GSE1: variants seen among roughly 807,000 people sequenced by gnomAD.
GSE1 encodes genetic suppressor element 1.
A neutral mutation model predicts 112.6 loss-of-function variants in GSE1; 32 were observed. The ratio of observed to expected loss-of-function variants is 0.28; its 90% CI spans 0.21 to 0.38. GSE1 has a LOEUF of 0.38. Ranked by LOEUF, GSE1 falls within the 10% of genes least tolerant of loss-of-function variation. The pLI is 1.00. For missense variants in GSE1, 2,348 were observed against 1,699.2 expected (o/e 1.38, Z -6.71); for synonymous variants, 1,115 against 735.6 (o/e 1.52, Z -8.35).
At chr16:85,442,305 GC>G (rs2049394595) in intron 2 of GSE1, among the ~76,000 whole-genome samples, 1 of 152,128 alleles carries the variant, frequency 6.6e-6, no homozygotes, top group Admixed American at 6.5e-5. Context: ...TTCCTTGTTT[GC>G]GTGCTTGTTT....
upstream of GSE1, among the ~76,000 whole-genome samples, chr16:85,607,589 C>T (rs2047765730): frequency 6.6e-6 from 1 of 152,214 alleles, no homozygotes; most frequent in South Asian, 2.1e-4. Flanking sequence ...TTAGCCGGGC[C>T]TTAACCCTTT....
rs7202569 is a variant in GSE1 at position 85,311,936 on chromosome 16, C to T, written c.2284-45527C>T. The stretch of plus-strand genomic sequence containing the variant: ...GGTTCCCTCCGCCGGCCCAGCACTG[C>T]CCAGCCCCAGCCCCGCACCACTGTC... On this transcript the variant is annotated intron_variant, in intron 1 of 2. Coordinates refer to the GSE1 transcript ENST00000637419. The surrounding 1 kb of genome is among the most constrained non-coding windows in gnomAD (Gnocchi z 4.2). Among the ~76,000 whole-genome samples the T allele has an allele frequency of 0.04, 6,040 of 152,240 alleles. 402 individuals are homozygous for T. Among genetic ancestry groups the T allele is most frequent in the African/African-American group, 0.13 (5,586 of 41,530 alleles).
intron 1 of GSE1, among the ~76,000 whole-genome samples, chr16:85,569,158 C>T (rs1454620879): frequency 6.6e-6 from 1 of 152,218 alleles, no homozygotes; most frequent in African/African-American, 2.4e-5. Context: ...CCCTGCCTAA[C>T]ACTCTAGCCT....
intron 8 of GSE1, 128 bp downstream of exon 8, chr16:85,657,732 C>G (rs570306962): frequency 3.2e-6 from 2 of 628,534 alleles, no homozygotes; most frequent in African/African-American, 1.9e-5. Flanking sequence ...CATTTCTGTT[C>G]TTTCATCTTC....
intron 1 of GSE1, among the ~76,000 whole-genome samples, chr16:85,622,202 G>A (rs575222997): frequency 2.6e-5 from 4 of 152,202 alleles, no homozygotes; most frequent in African/African-American, 7.2e-5. Flanking sequence ...GCGCATGACT[G>A]TTATGGGAGC....
rs545672261 is a variant in GSE1, at chr16:85,339,363, C to T, written c.2284-18100C>T. ...GACCCAGGGCTGTGCTCGCTCCAGC[C>T]GTGATTTCTCCGGACAAATGGCCGC... On this transcript the variant is annotated intron_variant, in intron 1 of 2. Transcript: ENST00000637419. 1.8e-4 allele frequency among the ~76,000 whole-genome samples: 27 copies of T among 152,188 alleles called. 1 individual carries two copies. The South Asian group carries it at 4.1e-3, about 23-fold the overall frequency.
rs558086603 is a variant in GSE1 at position 85,465,281 on chromosome 16, A to G, written c.2464+107638A>G. Among the ~76,000 whole-genome samples the G allele has an allele frequency of 2.6e-5, 4 of 152,164 alleles. No homozygotes were observed. The East Asian group carries it at 7.8e-4, about 30-fold the overall frequency. ...CCAGCTCTCCTGCCAACCGAATCTC[A>G]TGCTGCTTCTGTGCCACGCCCTGGC... On this transcript the variant is annotated intron_variant, in intron 2 of 2. Coordinates refer to the GSE1 transcript ENST00000637419.
chr16:85,543,727 TAGG>T (rs897086748), intron 2 of GSE1, among the ~76,000 whole-genome samples: 18 of 152,184 alleles, frequency 1.2e-4, no homozygotes, highest in Admixed American at 4.6e-4. Flanking sequence ...CCAGCCATAG[TAGG>T]AGGTCTAAAA....
At chr16:85,257,551 A>G (rs899712980) in intron 1 of GSE1, among the ~76,000 whole-genome samples, 3 of 152,276 alleles carry the variant, frequency 2.0e-5, no homozygotes, top group South Asian at 2.1e-4. Flanking sequence ...AAAGATAATG[A>G]AAAATGAAAT....
At chr16:85,209,731 G>A (rs1235950781) in intron 1 of GSE1, among the ~76,000 whole-genome samples, 1 of 152,244 alleles carries the variant, frequency 6.6e-6, no homozygotes, top group Non-Finnish European at 1.5e-5. Context: ...GGGAGGGAGA[G>A]TCTGGCAGGC....
intron 1 of GSE1, among the ~76,000 whole-genome samples, chr16:85,221,247 TGTGC>T (rs1042636558): frequency 3.3e-5 from 5 of 151,982 alleles, no homozygotes; most frequent in African/African-American, 1.2e-4. Flanking sequence ...GGAGCCCCAC[TGTGC>T]GGCTGGTTTG....
chr16:85,317,688 C>T (rs1034422849), intron 1 of GSE1, among the ~76,000 whole-genome samples: 2 of 152,318 alleles, frequency 1.3e-5, no homozygotes, highest in Non-Finnish European at 1.5e-5. Context: ...CAAGATTGAG[C>T]CCCGGTGCCC....
rs750386270 is a variant in GSE1, at chr16:85,648,744, G to C, written c.419G>C (p.Ser140Thr). 1 of 1,581,704 alleles carries C rather than the reference G, an allele frequency of 6.3e-7. No homozygotes were observed. Among genetic ancestry groups the C allele is most frequent in the Non-Finnish European group, 8.6e-7 (1 of 1,164,722 alleles). The change falls in exon 3 of 16, where the codon AGC becomes ACC. Residue 140 changes from serine to threonine, a missense_variant. Ser to Thr is a moderately conservative substitution (Grantham distance 58). Transcript: ENST00000253458. ...KTVNGVWRSE[S>T]RQDAGSRSSS... The stretch of plus-strand genomic sequence containing the variant: ...GTGAATGGTGTCTGGAGGAGTGAGA[G>C]CCGGCAGGTGAGTGGGGCGGGGCAG...
At chr16:85,304,067 C>T (rs747036700) in intron 1 of GSE1, among the ~76,000 whole-genome samples, 12 of 152,326 alleles carry the variant, frequency 7.9e-5, no homozygotes, top group Non-Finnish European at 1.3e-4. Flanking sequence ...AGGACAGAGC[C>T]CCTTGGCCTC....
chr16:85,563,820 T>G (rs146329196), intron 1 of GSE1, among the ~76,000 whole-genome samples: 2,148 of 152,340 alleles, frequency 0.014, 25 homozygotes, highest in Non-Finnish European at 0.019. Flanking sequence ...TTTGGGGGTC[T>G]CGTGGTCACC....
chr16:85,315,612 G>A (rs760390629), intron 1 of GSE1, among the ~76,000 whole-genome samples: 1 of 152,280 alleles, frequency 6.6e-6, no homozygotes, highest in African/African-American at 2.4e-5. Context: ...TGGGGGAGCC[G>A]CCTGCCTGGT....
intron 1 of GSE1, among the ~76,000 whole-genome samples, chr16:85,338,230 A>T (rs959864318): frequency 3.3e-5 from 5 of 152,170 alleles, no homozygotes; most frequent in Admixed American, 1.3e-4. Flanking sequence ...CTTCCCCCTC[A>T]GCATCTCCAG....
At chr16:85,614,789 G>C (rs2048265490) in intron 1 of GSE1, among the ~76,000 whole-genome samples, 1 of 152,242 alleles carries the variant, frequency 6.6e-6, no homozygotes, top group Non-Finnish European at 1.5e-5. Context: ...TCTGGGGCCT[G>C]AGGGGTAGCG....
chr16:85,321,446 A>G (rs1163912491), intron 1 of GSE1, among the ~76,000 whole-genome samples: 3 of 152,132 alleles, frequency 2.0e-5, no homozygotes, highest in Non-Finnish European at 4.4e-5. Flanking sequence ...TCTGCCAGCA[A>G]TGTACTGAGG....
Sources: allele counts gnomAD v4.1 joint callset (sites outside exome capture counted in the v4.1 genomes callset), GRCh38; gene constraint gnomAD v4.1.1; non-coding constraint Gnocchi (gnomAD v3.1); transcripts MANE v1.5; gene names NCBI Gene and HGNC (gene_info 2026-07-23, HGNC 2026-07-21).